The following MYO1D variants were observed in gnomAD, a reference collection of about 807,000 sequenced individuals.
MYO1D encodes myosin ID, also known as unconventional myosin-Id.
Under a neutral mutation model 122.0 loss-of-function variants are expected in MYO1D, and 83 were observed. That is an observed-to-expected ratio of 0.68 (90% CI 0.57 to 0.82). MYO1D has a LOEUF of 0.82. MYO1D is among the 40% of genes least tolerant of loss of function. MYO1D has a pLI of 0.00. For synonymous variants in MYO1D, 464 were observed against 446.9 expected (o/e 1.04, Z -0.48); for missense variants, 1,157 against 1,269.5 (o/e 0.91, Z 1.35).
chr17:32,848,745 C>T (rs1387456854), intron 1 of MYO1D, among the ~76,000 whole-genome samples: 1 of 152,154 alleles, frequency 6.6e-6, no homozygotes, highest in Non-Finnish European at 1.5e-5. Flanking sequence ...CCGTTGCTAC[C>T]TAACCACAGT....
intron 20 of MYO1D, among the ~76,000 whole-genome samples, chr17:32,606,591 A>G (rs2087630862): frequency 6.6e-6 from 1 of 152,252 alleles, no homozygotes; most frequent in Non-Finnish European, 1.5e-5. Flanking sequence ...CAGGATAACA[A>G]AGAAAATCCA....
At chr17:32,541,296 T>C (rs1411931816) in intron 21 of MYO1D, among the ~76,000 whole-genome samples, 4 of 152,170 alleles carry the variant, frequency 2.6e-5, no homozygotes, top group Admixed American at 6.6e-5. Context: ...TGGATGAACC[T>C]TGAAAATGTT....
At chr17:32,598,590 G>T (rs1412935683) in intron 21 of MYO1D, among the ~76,000 whole-genome samples, 1 of 152,148 alleles carries the variant, frequency 6.6e-6, no homozygotes, top group African/African-American at 2.4e-5. Flanking sequence ...GGAATATACA[G>T]GCATAACCTG....
At chr17:32,722,051 C>T (rs1022500523) in intron 14 of MYO1D, among the ~76,000 whole-genome samples, 4 of 152,140 alleles carry the variant, frequency 2.6e-5, no homozygotes, top group Non-Finnish European at 5.9e-5. Flanking sequence ...TTGAGCTCTG[C>T]TGAGGGCTAG....
chr17:32,687,619 A>G (rs1039377640), intron 16 of MYO1D, among the ~76,000 whole-genome samples: 4 of 152,224 alleles, frequency 2.6e-5, no homozygotes, highest in Non-Finnish European at 2.9e-5. Flanking sequence ...CTGGGATTAC[A>G]GGCGTGAGCC....
intron 1 of MYO1D, among the ~76,000 whole-genome samples, chr17:32,831,200 T>C (rs2090768577): frequency 6.6e-6 from 1 of 152,076 alleles, no homozygotes; most frequent in African/African-American, 2.4e-5. Flanking sequence ...TTTAATAGAG[T>C]GCTAATCTAA....
At chr17:32,667,862 A>G (rs145595352) in intron 16 of MYO1D, among the ~76,000 whole-genome samples, 5 of 152,314 alleles carry the variant, frequency 3.3e-5, no homozygotes, top group African/African-American at 1.2e-4. Context: ...TTTCTTCACT[A>G]TGATGATGAC....
rs144294170 is a variant in MYO1D, at chr17:32,876,778, C to T, written c.95G>A (p.Arg32Lys). The T allele has an allele frequency of 1.3e-6, 2 of 1,508,966 alleles. No homozygotes were observed. Among genetic ancestry groups the T allele is most frequent in the Non-Finnish European group, 1.8e-6 (2 of 1,128,578 alleles). The allele number at this position is 1,508,966 out of a possible 1,614,324, so 93.5% of individuals were successfully genotyped here. A position where few individuals can be genotyped will look rare whatever the true frequency, so the allele number is the denominator to read the frequency against. ...MPEFMANLRL[R>K]FEKGRIYTFI... ...CTGCGCGCGGCCGCTCCGCCCTCAC[C>T]TGAGCCTGAGGTTGGCCATGAACTC... is the stretch of plus-strand genomic sequence containing the variant. Residue 32 changes from arginine (R) to lysine (K), a missense_variant and splice_region_variant, in exon 1 of 22, where the codon AGA becomes AAA. Arg to Lys is a conservative substitution (Grantham distance 26). Coordinates refer to ENST00000318217, the MANE Select transcript of MYO1D (RefSeq NM_015194.3).
chr17:32,768,778 T>C (rs180876238), intron 6 of MYO1D, among the ~76,000 whole-genome samples: 1 of 152,316 alleles, frequency 6.6e-6, no homozygotes, highest in African/African-American at 2.4e-5. Flanking sequence ...TGAAAATTTA[T>C]ATAAAGCACC....
At chr17:32,533,129 A>C (rs1910563347) in intron 21 of MYO1D, among the ~76,000 whole-genome samples, 2 of 152,132 alleles carry the variant, frequency 1.3e-5, no homozygotes, top group South Asian at 4.1e-4. Context: ...TATATTTTTT[A>C]GATCTATGGC....
intron 17 of MYO1D, among the ~76,000 whole-genome samples, chr17:32,656,678 C>T: frequency 6.6e-6 from 1 of 152,308 alleles, no homozygotes; most frequent in South Asian, 2.1e-4. Context: ...ACAACCAACA[C>T]TCCAACAAGA....
chr17:32,515,252 C>A (rs1272899695), intron 21 of MYO1D, among the ~76,000 whole-genome samples: 1 of 152,140 alleles, frequency 6.6e-6, no homozygotes, highest in Non-Finnish European at 1.5e-5. Flanking sequence ...CCTTCCAGGG[C>A]AAAAAGGCTT....
rs1157420788 is a variant in MYO1D at position 32,679,367 on chromosome 17, T to A, written c.2122-20029A>T. Among the ~76,000 whole-genome samples the A allele has an allele frequency of 2.6e-5, 4 of 152,028 alleles. 1 individual carries two copies. The highest frequency in any genetic ancestry group is 2.6e-4 in the Admixed American group (4 of 15,270). On this transcript the variant is annotated intron_variant, in intron 16 of 21. Transcript: ENST00000318217. The stretch of plus-strand genomic sequence containing the variant: ...TGTCCTGAATGGTAATGCCTAGGTT[T>A]TCTTCTAGGGTTTTTATGGTTTTAG...
intron 11 of MYO1D, among the ~76,000 whole-genome samples, chr17:32,749,942 T>C (rs1000859840): frequency 6.6e-6 from 1 of 152,164 alleles, no homozygotes; most frequent in African/African-American, 2.4e-5. Context: ...GTTACACACA[T>C]GGAAACTGAG....
At chr17:32,875,604 T>C (rs996910822) in intron 1 of MYO1D, among the ~76,000 whole-genome samples, 5 of 152,212 alleles carry the variant, frequency 3.3e-5, no homozygotes, top group African/African-American at 4.8e-5. Flanking sequence ...TTTTGATTAA[T>C]ATTTGGGGTG....
intron 21 of MYO1D, among the ~76,000 whole-genome samples, chr17:32,571,837 G>C (rs979430485): frequency 9.9e-5 from 15 of 152,104 alleles, no homozygotes; most frequent in African/African-American, 3.6e-4. Context: ...GAGGACTGAA[G>C]AAAATGAAAA....
intron 1 of MYO1D, among the ~76,000 whole-genome samples, chr17:32,781,734 C>CAAAAA (rs35583086): frequency 9.2e-6 from 1 of 108,364 alleles, no homozygotes; most frequent in Non-Finnish European, 1.9e-5. Context: ...GGCCACAGGA[C>CAAAAA]AAAAAAAAAA....
chr17:32,805,563 T>C (rs1373095121), intron 1 of MYO1D, among the ~76,000 whole-genome samples: 4 of 152,092 alleles, frequency 2.6e-5, no homozygotes, highest in Admixed American at 1.3e-4. Context: ...CCAAAACCGA[T>C]GGAGAAGTGT....
At chr17:32,693,325 G>A (rs937987402) in intron 16 of MYO1D, among the ~76,000 whole-genome samples, 2 of 150,230 alleles carry the variant, frequency 1.3e-5, no homozygotes, top group Non-Finnish European at 2.9e-5. Context: ...GACAACAGCT[G>A]TTGGGTTATG....
Sources: allele counts gnomAD v4.1 joint callset (sites outside exome capture counted in the v4.1 genomes callset), GRCh38; gene constraint gnomAD v4.1.1; transcripts MANE v1.5; gene names NCBI Gene and HGNC (gene_info 2026-07-23, HGNC 2026-07-21).